The following DOCK6 variants were observed in gnomAD, a reference collection of about 807,000 sequenced individuals.
DOCK6 encodes the protein dedicator of cytokinesis protein 6.
A neutral mutation model predicts 230.3 loss-of-function variants in DOCK6; 167 were observed. The observed-to-expected ratio is 0.73, with a 90% CI of 0.64 to 0.82. DOCK6 has a LOEUF of 0.82. DOCK6 is among the 40% of genes least tolerant of loss of function. The probability of loss-of-function intolerance (pLI) is 0.00; values close to 1 mark genes in which losing one functional copy is unlikely to be tolerated. For synonymous variants in DOCK6, 1,148 were observed against 1,185.0 expected (o/e 0.97, Z 0.64); for missense variants, 2,598 against 2,825.8 (o/e 0.92, Z 1.83).
At chr19:11,220,383 G>A (rs2079561493) in intron 28 of DOCK6, among the ~76,000 whole-genome samples, 1 of 152,160 alleles carries the variant, frequency 6.6e-6, no homozygotes, top group African/African-American at 2.4e-5. Context: ...AGCAGATCTT[G>A]CCCTAGAGTC....
At chr19:11,230,522 T>C (rs761206922) in intron 22 of DOCK6, among the ~76,000 whole-genome samples, 16 of 151,856 alleles carry the variant, frequency 1.1e-4, no homozygotes, top group Non-Finnish European at 1.8e-4. Context: ...ATGAAATCAG[T>C]GTAGACAGCA....
Position 11,243,963 on chromosome 19 carries a change from CCCT to C in DOCK6, c.1024-84_1024-82del, listed in dbSNP as rs1475041987. ...GTGCTGGCTCCCCAGCCTCCTGGACCCCTCATGGGCCCTCGGACACTCCTAACA... is the reference window on the plus strand; with the variant it reads ...GTGCTGGCTCCCCAGCCTCCTGGACCCATGGGCCCTCGGACACTCCTAACA... On this transcript the variant is annotated intron_variant, in intron 9 of 47. Coordinates refer to ENST00000294618, the MANE Select transcript of DOCK6 (RefSeq NM_020812.4). The surrounding 1 kb of genome is among the most constrained non-coding windows in gnomAD (Gnocchi z 6.3). The C allele has an allele frequency of 2.1e-6, 3 of 1,424,520 alleles. No homozygotes were observed. In the African/African-American group the frequency reaches 4.3e-5, roughly 20 times the overall value. 88.2% of individuals were successfully genotyped at this position (1,424,520 alleles called of 1,614,324 possible).
At position 11,253,672 on chromosome 19, in the gene DOCK6, G is replaced by A; in HGVS notation, c.99C>T (p.Pro33=). ...KQVSRERSGS[P]HSSRRCSSSL... is the part of the protein sequence containing the mutation. ...AGCTGCTGCAGCGCCTGCTGGAGTG[G>A]GGGGAGCCACTGCGTTCCCGGGACA... The change falls in exon 2 of 48, where the codon CCC becomes CCT. Residue 33 remains proline, a synonymous_variant. Coordinates refer to ENST00000294618, the MANE Select transcript of DOCK6 (RefSeq NM_020812.4). 6.8e-7 allele frequency: 1 copy of A among 1,465,466 alleles called. No homozygotes were observed. The highest frequency in any genetic ancestry group is 1.5e-5 in the African/African-American group (1 of 67,112). 90.8% of individuals were successfully genotyped at this position (1,465,466 alleles called of 1,614,324 possible).
chr19:11,205,861 G>A (rs986617423), intron 39 of DOCK6: 1 of 149,184 alleles, frequency 6.7e-6, no homozygotes. Flanking sequence ...CCGACCTCAA[G>A]TGATCTGCCC....
chr19:11,225,282 G>A (rs2079646840), intron 24 of DOCK6, among the ~76,000 whole-genome samples: 2 of 152,174 alleles, frequency 1.3e-5, no homozygotes, highest in African/African-American at 4.8e-5. Context: ...TCTTTCTTGG[G>A]GTAGTTTCCT....
rs779570498 is a variant in DOCK6, at chr19:11,243,726, G to C, written c.1105-16C>G. ...TCTCTTTGTTCTGTGGGGAGACCCC[G>C]TCCCCTGCCAGCTCAGCATCCTAGC... On this transcript the variant is annotated splice_polypyrimidine_tract_variant and intron_variant, in intron 10 of 47. Transcript: ENST00000294618. This position sits in a 1 kb window ranked among gnomAD's most constrained non-coding sequence, Gnocchi z 6.3. 4 of 1,613,828 alleles carry C rather than the reference G, an allele frequency of 2.5e-6. No individual in the cohort carries two copies. In the Admixed American group the frequency reaches 6.7e-5, roughly 27 times the overall value.
Position 11,243,475 on chromosome 19 carries a change from C to G in DOCK6, c.1258+82G>C. On this transcript the variant is annotated intron_variant, in intron 11 of 47. Coordinates refer to ENST00000294618, the MANE Select transcript of DOCK6 (RefSeq NM_020812.4). The surrounding 1 kb of genome is among the most constrained non-coding windows in gnomAD (Gnocchi z 6.3). Reference sequence around the variant, plus strand: ...ACAGTTCGGCCAGCAGAGGGCGCACCCCCTCGCCCCGTAGCCCCGCCCCAG... The same window carrying G: ...ACAGTTCGGCCAGCAGAGGGCGCACGCCCTCGCCCCGTAGCCCCGCCCCAG... 1 of 1,544,526 alleles carries G rather than the reference C, an allele frequency of 6.5e-7. No individual in the cohort carries two copies. The highest frequency in any genetic ancestry group is 8.7e-7 in the Non-Finnish European group (1 of 1,145,750).
intron 22 of DOCK6, chr19:11,232,089 G>T: frequency 1.1e-6 from 1 of 920,812 alleles, no homozygotes; most frequent in Non-Finnish European, 1.5e-6. Flanking sequence ...CCTCCTTCAG[G>T]CAGCCCCCCT....
intron 37 of DOCK6, among the ~76,000 whole-genome samples, chr19:11,209,998 C>CCTCACCTGCCCACCTT (rs2079346363): frequency 6.9e-6 from 1 of 144,934 alleles, no homozygotes; most frequent in African/African-American, 2.6e-5. Flanking sequence ...CCTGCCCATC[C>CCTCACCTGCCCACCTT]CTCACCTGCC....
At chr19:11,204,924 A>T (rs1010914829) in intron 39 of DOCK6, among the ~76,000 whole-genome samples, 3 of 152,184 alleles carry the variant, frequency 2.0e-5, no homozygotes, top group Non-Finnish European at 4.4e-5. Context: ...TCCCTCATTG[A>T]TGGGAGAAGC....
intron 35 of DOCK6, 143 bp downstream of exon 35, chr19:11,213,033 A>G (rs2079417548): frequency 3.6e-6 from 4 of 1,118,814 alleles, no homozygotes; most frequent in African/African-American, 3.2e-5. Flanking sequence ...ACGGCACCTG[A>G]CCCCCAATTG....
At chr19:11,239,782 C>T in intron 14 of DOCK6, 1 of 1,610,124 alleles carries the variant, frequency 6.2e-7, no homozygotes. Flanking sequence ...GGGCCAGGCC[C>T]TCAACGGTGT....
At chr19:11,251,791 A>G (rs1039453037) in intron 5 of DOCK6, 2 of 258,102 alleles carry the variant, frequency 7.7e-6, no homozygotes, top group Non-Finnish European at 1.5e-5. Flanking sequence ...TATGGTTGGT[A>G]TACAGTAGGT....
At chr19:11,214,053 G>T in intron 34 of DOCK6, among the ~76,000 whole-genome samples, 1 of 152,016 alleles carries the variant, frequency 6.6e-6, no homozygotes, top group Non-Finnish European at 1.5e-5. Context: ...AAAGTGCTGG[G>T]ATTACAGGTG....
At chr19:11,219,071 G>C (rs985780418) in intron 28 of DOCK6, among the ~76,000 whole-genome samples, 78 of 148,336 alleles carry the variant, frequency 5.3e-4, no homozygotes, top group African/African-American at 1.8e-3. Flanking sequence ...TAGAGATGGG[G>C]TTTCACTATG....
intron 22 of DOCK6, 124 bp downstream of exon 22, chr19:11,233,079 A>C (rs2079793245): frequency 7.5e-7 from 1 of 1,326,576 alleles, no homozygotes; most frequent in Non-Finnish European, 1.0e-6. Context: ...TGCTGCCCAG[A>C]GTGACGCCTT....
At position 11,243,551 on chromosome 19, in the gene DOCK6, C is replaced by T; in HGVS notation, c.1258+6G>A. ...CGCCCCAAGCCTGTTAGCCCCGCCTCCTCACCGCCCTCCGAGTCAGAGTCC... is the reference window on the plus strand; with the variant it reads ...CGCCCCAAGCCTGTTAGCCCCGCCTTCTCACCGCCCTCCGAGTCAGAGTCC... On this transcript the variant is annotated splice_donor_region_variant and intron_variant, in intron 11 of 47. Transcript: ENST00000294618. This position sits in a 1 kb window ranked among gnomAD's most constrained non-coding sequence, Gnocchi z 6.3. 1 of 1,596,078 alleles carries T rather than the reference C, an allele frequency of 6.3e-7. No individual in the cohort carries two copies. The highest frequency in any genetic ancestry group is 1.1e-5 in the South Asian group (1 of 88,498).
At chr19:11,240,424 C>T (rs946898724) in intron 14 of DOCK6, 18 of 952,178 alleles carry the variant, frequency 1.9e-5, no homozygotes, top group Middle Eastern at 3.3e-4. Flanking sequence ...CTGCATGTCC[C>T]CAGACAAAAC....
At chr19:11,211,116 G>A (rs56074182) in intron 37 of DOCK6, among the ~76,000 whole-genome samples, 2 of 148,964 alleles carry the variant, frequency 1.3e-5, no homozygotes, top group Non-Finnish European at 1.5e-5. Context: ...CTGTCTCCTC[G>A]CTTATCCAAC....
Sources: gnomAD v4.1 joint callset for allele counts (sites outside exome capture counted in the v4.1 genomes callset) on GRCh38, gnomAD v4.1.1 for gene constraint, Gnocchi (gnomAD v3.1) non-coding constraint, MANE v1.5 for transcripts, NCBI Gene and HGNC (gene_info 2026-07-23, HGNC 2026-07-21) for gene names.